Variants in ANK3 observed in about 807,000 individuals in gnomAD.
ANK3 encodes ankyrin 3.
Under a neutral mutation model 370.9 loss-of-function variants are expected in ANK3, and 57 were observed. The ratio of observed to expected loss-of-function variants is 0.15; its 90% CI spans 0.12 to 0.19. The LOEUF (loss-of-function observed/expected upper bound fraction) is 0.19. ANK3 is among the 10% of genes least tolerant of loss of function. The pLI, the probability that ANK3 is intolerant of heterozygous loss-of-function variation, is 1.00. For synonymous variants in ANK3, 1,929 were observed against 1,946.3 expected (o/e 0.99, Z 0.23); for missense variants, 4,439 against 5,302.1 (o/e 0.84, Z 5.06).
intron 43 of ANK3, among the ~76,000 whole-genome samples, chr10:60,040,274 C>A (rs769197876): frequency 1.1e-4 from 16 of 151,738 alleles, no homozygotes; most frequent in Non-Finnish European, 2.2e-4. Flanking sequence ...TGGCAGCATT[C>A]TACTTGCTTA....
At position 60,181,424 on chromosome 10, in the gene ANK3, C is replaced by T; in HGVS notation, c.2089G>A (p.Gly697Ser). The T allele has an allele frequency of 5.6e-6, 9 of 1,614,014 alleles. No homozygotes were observed. Among genetic ancestry groups the T allele is most frequent in the Non-Finnish European group, 7.6e-6 (9 of 1,179,942 alleles). ...NANVNLSNKS[G>S]LTPLHLAAQE... ...GCAGCCAAATGGAGTGGGGTCAGGC[C>T]GCTCTGCAAAAGATTCAAAGGGCAC... is the stretch of plus-strand genomic sequence containing the variant. The change falls in exon 18 of 44, where the codon GGC (glycine) becomes AGC (serine). Residue 697 changes from glycine to serine, a missense_variant. Transcript: ENST00000280772.
At chr10:60,722,498 A>T (rs183150200) in intron 1 of ANK3, among the ~76,000 whole-genome samples, 1 of 152,276 alleles carries the variant, frequency 6.6e-6, no homozygotes, top group East Asian at 1.9e-4. Flanking sequence ...CCTCAAAGAC[A>T]GGCTAAAAAT....
At chr10:60,444,751 TG>T (rs2064397655) in intron 2 of ANK3, among the ~76,000 whole-genome samples, 1 of 152,150 alleles carries the variant, frequency 6.6e-6, no homozygotes, top group Non-Finnish European at 1.5e-5. Context: ...TTCTTTAGTA[TG>T]CTTAATTTAA....
chr10:60,732,270 T>TC, intron 1 of ANK3, among the ~76,000 whole-genome samples: 1 of 152,258 alleles, frequency 6.6e-6, no homozygotes, highest in Middle Eastern at 3.4e-3. Context: ...CAATCCCCCT[T>TC]CCCGGGACGA....
chr10:60,529,025 T>C (rs142807256), intron 2 of ANK3, among the ~76,000 whole-genome samples: 2 of 152,236 alleles, frequency 1.3e-5, no homozygotes, highest in African/African-American at 2.4e-5. Context: ...GTTAAAGATA[T>C]GATGGGTTCA....
At chr10:60,598,939 T>C (rs1337770567) in intron 2 of ANK3, among the ~76,000 whole-genome samples, 1 of 152,132 alleles carries the variant, frequency 6.6e-6, no homozygotes, top group Non-Finnish European at 1.5e-5. Flanking sequence ...GTTGTTGTTT[T>C]TCATGTTGAG....
In ANK3 at chr10:60,172,319, T is replaced by C. The variant is rs180821737; in HGVS notation, c.2467A>G (p.Met823Val). 3.7e-5 allele frequency: 60 copies of C among 1,613,796 alleles called. 1 individual carries two copies. The Admixed American group carries it at 9.2e-4, about 25-fold the overall frequency. ...DTLKIVTEETMTTTTVTEKHK... is the reference protein window; with the variant it reads ...DTLKIVTEETVTTTTVTEKHK... ...CATTCCTTACTTACAGTTGTGGTCA[T>C]GGTCTCTTCGGTCACTATCTTCAGG... Residue 823 changes from methionine to valine, a missense_variant, in exon 21 of 44, where the codon ATG (methionine) becomes GTG (valine). Around this residue, in one of 13 missense-constraint regions of ANK3, gnomAD observed 702 missense variants for 941.5 expected, o/e 0.75. Transcript: ENST00000280772.
Position 60,073,311 on chromosome 10 carries a change from C to T in ANK3, c.7570G>A (p.Glu2524Lys), listed in dbSNP as rs1215789404. 1 of 1,614,018 alleles carries T rather than the reference C, an allele frequency of 6.2e-7. No individual in the cohort carries two copies. Among genetic ancestry groups the T allele is most frequent in the Admixed American group, 1.7e-5 (1 of 59,994 alleles). Residue 2524 changes from glutamate to lysine, a missense_variant, in exon 37 of 44, where the codon GAA (glutamate) becomes AAA (lysine). Physicochemically the swap from Glu to Lys is moderately conservative, Grantham distance 56. This residue lies in a region of ANK3 where 1,601 missense variants were observed against 1,731.7 expected (regional missense o/e 0.92). Coordinates refer to ENST00000280772, the MANE Select transcript of ANK3 (RefSeq NM_020987.5). ...ILSKIYKDVS[E>K]NGVGKVSKDE... ...TTAGACACTTTACCTACACCATTTT[C>T]AGAAACATCTTTATAGATTTTGGAG... is the stretch of plus-strand genomic sequence containing the variant.
At chr10:60,452,620 A>G (rs1462989539) in intron 2 of ANK3, among the ~76,000 whole-genome samples, 1 of 152,268 alleles carries the variant, frequency 6.6e-6, no homozygotes. Context: ...GAATCTTCTC[A>G]TATGAAGAGC....
intron 2 of ANK3, among the ~76,000 whole-genome samples, chr10:60,434,465 C>A (rs1312753924): frequency 6.6e-6 from 1 of 152,096 alleles, no homozygotes; most frequent in Non-Finnish European, 1.5e-5. Flanking sequence ...AAAGTGAAAA[C>A]ATTTTTAATG....
At chr10:60,255,337 A>G (rs1372578683) in intron 7 of ANK3, among the ~76,000 whole-genome samples, 1 of 152,184 alleles carries the variant, frequency 6.6e-6, no homozygotes, top group East Asian at 1.9e-4. Flanking sequence ...AAAAAAGGCT[A>G]TCAGGCAGCA....
intron 2 of ANK3, among the ~76,000 whole-genome samples, chr10:60,430,404 C>T (rs1380947805): frequency 1.3e-5 from 2 of 152,022 alleles, no homozygotes; most frequent in Admixed American, 1.3e-4. Flanking sequence ...CCATAGAGTG[C>T]AAGAGAAATG....
At position 60,548,735 on chromosome 10, in the gene ANK3, A is replaced by G. The variant is rs149333212; in HGVS notation, c.96+66451T>C. Among the ~76,000 whole-genome samples the G allele has an allele frequency of 2.5e-4, 38 of 152,248 alleles. 1 individual carries two copies. In the East Asian group the frequency reaches 6.6e-3, roughly 26 times the overall value. The stretch of plus-strand genomic sequence containing the variant: ...AATACTATAGTATAGGATTATTATA[A>G]TTTACATTCTATGTAAATTATATGG... On this transcript the variant is annotated intron_variant, in intron 2 of 43. Coordinates refer to the ANK3 transcript ENST00000373827.
intron 1 of ANK3, among the ~76,000 whole-genome samples, chr10:60,650,108 G>C (rs1041964500): frequency 2.6e-5 from 4 of 152,118 alleles, no homozygotes; most frequent in African/African-American, 9.7e-5. Flanking sequence ...TGAGATCATC[G>C]AGTTATCTGT....
intron 1 of ANK3, among the ~76,000 whole-genome samples, chr10:60,337,503 G>T (rs186343678): frequency 1.1e-4 from 16 of 151,974 alleles, no homozygotes; most frequent in Admixed American, 7.2e-4. Flanking sequence ...CTCTTATCAG[G>T]CTCCGACTGA....
At chr10:60,652,805 A>C (rs951729899) in intron 1 of ANK3, among the ~76,000 whole-genome samples, 2 of 152,100 alleles carry the variant, frequency 1.3e-5, no homozygotes, top group African/African-American at 4.8e-5. Flanking sequence ...AGGATAAAGA[A>C]CGAAACCAAT....
intron 2 of ANK3, 118 bp downstream of exon 2, chr10:60,279,420 T>C (rs374417316): frequency 2.5e-6 from 2 of 811,958 alleles, no homozygotes; most frequent in African/African-American, 1.7e-5. Flanking sequence ...AATTTGACAA[T>C]GACAAGCTGA....
chr10:60,495,006 A>G (rs913546029), intron 2 of ANK3, among the ~76,000 whole-genome samples: 11 of 152,176 alleles, frequency 7.2e-5, no homozygotes, highest in African/African-American at 2.4e-4. Context: ...CTTTTCCACA[A>G]AAGATCAGAT....
chr10:60,439,531 C>A (rs1395589060), intron 2 of ANK3, among the ~76,000 whole-genome samples: 2 of 151,576 alleles, frequency 1.3e-5, no homozygotes, highest in Non-Finnish European at 2.9e-5. Flanking sequence ...TAAAAAAAAA[C>A]AAAAAACACA....
Sources: gnomAD v4.1 joint callset for allele counts (sites outside exome capture counted in the v4.1 genomes callset) on GRCh38, gnomAD v4.1.1 for gene constraint, gnomAD v4.1.1 regional missense constraint, MANE v1.5 for transcripts, NCBI Gene and HGNC (gene_info 2026-07-23, HGNC 2026-07-21) for gene names.